MYO16: variants seen among roughly 807,000 people sequenced by gnomAD.
The protein encoded by MYO16 is unconventional myosin-XVI.
In MYO16, 94 loss-of-function variants were observed where a neutral mutation model predicts 205.3. That is an observed-to-expected ratio of 0.46 (90% confidence interval 0.39 to 0.54). The LOEUF (loss-of-function observed/expected upper bound fraction) is 0.54, where lower values mean the gene tolerates loss of function less well. Among genes scored for constraint, MYO16 ranks in the 20% least tolerant of loss-of-function variants. The pLI, the probability that MYO16 is intolerant of heterozygous loss-of-function variation, is 0.00. For missense variants in MYO16, 2,315 were observed against 2,387.5 expected (o/e 0.97, Z 0.63); for synonymous variants, 988 against 954.0 (o/e 1.04, Z -0.66).
At chr13:108,536,736 T>G in the MYO16 span, among the ~76,000 whole-genome samples, 1 of 152,136 alleles carries the variant, frequency 6.6e-6, no homozygotes, top group African/African-American at 2.4e-5. Flanking sequence ...TTTCTCACCT[T>G]TTCTGTGTGA....
chr13:108,515,945 C>T, the MYO16 span, among the ~76,000 whole-genome samples: 1 of 116,134 alleles, frequency 8.6e-6, no homozygotes, highest in African/African-American at 3.3e-5. Context: ...CTGTGCCCTG[C>T]CCCCAGAGGT....
intron 1 of MYO16, among the ~76,000 whole-genome samples, chr13:108,606,315 C>T (rs550674816): frequency 9.2e-5 from 14 of 152,240 alleles, no homozygotes; most frequent in East Asian, 3.9e-4. Flanking sequence ...CCTTCTCAGC[C>T]GTTCTCATTA....
intron 1 of MYO16, among the ~76,000 whole-genome samples, chr13:108,657,763 AT>A (rs1344475479): frequency 6.6e-6 from 1 of 152,138 alleles, no homozygotes; most frequent in African/African-American, 2.4e-5. Flanking sequence ...AGCTAACAGT[AT>A]TTACAATAAT....
rs1274128806 is a variant in MYO16, at chr13:108,823,110, A to AT, written c.944-8dup. 1.9e-6 allele frequency: 3 copies of AT among 1,599,978 alleles called. No homozygotes were observed. The highest frequency in any genetic ancestry group is 1.3e-5 in the African/African-American group (1 of 74,326). On this transcript the variant is annotated splice_polypyrimidine_tract_variant and intron_variant, in intron 8 of 34. Coordinates refer to ENST00000457511, the MANE Select transcript of MYO16 (RefSeq NM_001198950.3). Reference sequence around the variant, plus strand: ...ACCCATCATTTTTCTGATTTTTCTTATTTTTTTCTTGTAGATATTGCTGCC... The same window carrying AT: ...ACCCATCATTTTTCTGATTTTTCTTATTTTTTTTCTTGTAGATATTGCTGCC...
intron 10 of MYO16, among the ~76,000 whole-genome samples, chr13:108,851,550 C>A (rs1765040633): frequency 6.6e-6 from 1 of 152,098 alleles, no homozygotes; most frequent in Admixed American, 6.5e-5. Flanking sequence ...AGTCTGTGAT[C>A]CTGGACTGCG....
At chr13:108,918,586 G>T (rs1328174685) in intron 16 of MYO16, among the ~76,000 whole-genome samples, 1 of 152,202 alleles carries the variant, frequency 6.6e-6, no homozygotes, top group Non-Finnish European at 1.5e-5. Flanking sequence ...ATCTCCAGCA[G>T]TCCTGGCCAC....
chr13:108,586,604 T>A, the MYO16 span, among the ~76,000 whole-genome samples: 1 of 152,212 alleles, frequency 6.6e-6, no homozygotes, highest in African/African-American at 2.4e-5. Flanking sequence ...GCTGTATTTG[T>A]CCATTCAAGG....
intron 4 of MYO16, among the ~76,000 whole-genome samples, chr13:108,762,224 T>G (rs1209927874): frequency 1.3e-5 from 2 of 152,164 alleles, no homozygotes; most frequent in Non-Finnish European, 2.9e-5. Flanking sequence ...AATACCACAT[T>G]TTCTTTATCC....
At chr13:108,685,786 G>C (rs1882654041) in intron 2 of MYO16, among the ~76,000 whole-genome samples, 1 of 152,186 alleles carries the variant, frequency 6.6e-6, no homozygotes. Context: ...TTTCTTCTGA[G>C]ACCTGTGTCC....
At chr13:108,831,241 A>G (rs1876605002) in intron 9 of MYO16, among the ~76,000 whole-genome samples, 1 of 152,228 alleles carries the variant, frequency 6.6e-6, no homozygotes. Flanking sequence ...AAACACATGC[A>G]GAAGTCTACC....
the MYO16 span, among the ~76,000 whole-genome samples, chr13:108,534,518 A>G: frequency 6.6e-6 from 1 of 152,112 alleles, no homozygotes; most frequent in Non-Finnish European, 1.5e-5. Context: ...GTCCACACAT[A>G]AGATACTAAA....
chr13:108,557,936 C>G, the MYO16 span, among the ~76,000 whole-genome samples: 2 of 152,002 alleles, frequency 1.3e-5, no homozygotes, highest in African/African-American at 4.8e-5. Context: ...TAGATACACA[C>G]ACATACACAT....
chr13:108,695,840 C>T (rs1289571933), intron 2 of MYO16, among the ~76,000 whole-genome samples: 1 of 152,128 alleles, frequency 6.6e-6, no homozygotes, highest in African/African-American at 2.4e-5. Flanking sequence ...AAGTAGAACA[C>T]TGCCAGGATC....
chr13:109,172,763 A>T (rs1878973666), intron 33 of MYO16, among the ~76,000 whole-genome samples: 1 of 152,260 alleles, frequency 6.6e-6, no homozygotes, highest in Non-Finnish European at 1.5e-5. Flanking sequence ...TTCATAAAAT[A>T]TTATGTGTTT....
chr13:109,040,910 G>A (rs1886865216), intron 23 of MYO16, among the ~76,000 whole-genome samples: 1 of 152,046 alleles, frequency 6.6e-6, no homozygotes, highest in Non-Finnish European at 1.5e-5. Flanking sequence ...TTGGAAAGGA[G>A]GAAATAAACC....
chr13:108,667,865 G>T (rs1200840337), intron 2 of MYO16, among the ~76,000 whole-genome samples: 1 of 152,114 alleles, frequency 6.6e-6, no homozygotes, highest in African/African-American at 2.4e-5. Flanking sequence ...GGGCAACATA[G>T]CAAGACCCCA....
At chr13:108,911,066 C>CACACACACACACACAGAG (rs59417999) in intron 16 of MYO16, among the ~76,000 whole-genome samples, 6 of 143,130 alleles carry the variant, frequency 4.2e-5, no homozygotes, top group African/African-American at 1.3e-4. Context: ...CACACACACA[C>CACACACACACACACAGAG]AGAGAGAGAG....
chr13:108,951,111 C>T (rs939291749), intron 16 of MYO16, among the ~76,000 whole-genome samples: 23 of 151,616 alleles, frequency 1.5e-4, no homozygotes, highest in East Asian at 5.8e-4. Context: ...TATGATTACG[C>T]GTAATACTTT....
the MYO16 span, among the ~76,000 whole-genome samples, chr13:108,525,807 T>C: frequency 3.9e-5 from 6 of 152,224 alleles, no homozygotes; most frequent in Non-Finnish European, 5.9e-5. Context: ...ATGAATGTAT[T>C]GCACTTAACT....
Sources: allele counts gnomAD v4.1 joint callset (sites outside exome capture counted in the v4.1 genomes callset), GRCh38; gene constraint gnomAD v4.1.1; transcripts MANE v1.5; gene names NCBI Gene and HGNC (gene_info 2026-07-23, HGNC 2026-07-21).